Variants in DENND5B observed in about 807,000 individuals in gnomAD.
The protein encoded by DENND5B is DENN domain containing 5B.
Under a neutral mutation model 140.6 loss-of-function variants are expected in DENND5B, and 34 were observed. The ratio of observed to expected loss-of-function variants is 0.24; its 90% CI spans 0.18 to 0.32. The LOEUF (loss-of-function observed/expected upper bound fraction) is 0.32, where lower values mean the gene tolerates loss of function less well. Among genes scored for constraint, DENND5B ranks in the 10% least tolerant of loss-of-function variants. The pLI is 1.00. For synonymous variants in DENND5B, 551 were observed against 562.1 expected (o/e 0.98, Z 0.28); for missense variants, 1,142 against 1,560.2 (o/e 0.73, Z 4.52).
At chr12:31,495,379 C>CT (rs1293809907) in intron 2 of DENND5B, among the ~76,000 whole-genome samples, 10 of 63,546 alleles carry the variant, frequency 1.6e-4, no homozygotes, top group African/African-American at 2.9e-4. Context: ...TATCACATTT[C>CT]TTTTTTTTTC....
At position 31,470,889 on chromosome 12, in the gene DENND5B, T is replaced by A. The variant is rs150837442; in HGVS notation, c.904+8700A>T. On this transcript the variant is annotated intron_variant, in intron 3 of 20. Coordinates refer to ENST00000389082, the MANE Select transcript of DENND5B (RefSeq NM_144973.4). ...GAATTAGGAACCTTTAATTCCTGGGTGGCCACTCATGGGATGGAGCAGTAG... is the reference window on the plus strand; with the variant it reads ...GAATTAGGAACCTTTAATTCCTGGGAGGCCACTCATGGGATGGAGCAGTAG... Among the ~76,000 whole-genome samples the A allele has an allele frequency of 8.6e-3, 1,308 of 152,256 alleles. 11 individuals carry two copies. The highest frequency in any genetic ancestry group is 0.037 in the Middle Eastern group (11 of 294).
chr12:31,590,953 A>C lies in DENND5B; in HGVS notation c.-121T>G. ...GCCCTAGGGCGACACTGGCGCGCCC[A>C]TGGCCGCGCAGCCGCCTCTCGCCGC... is the stretch of plus-strand genomic sequence containing the variant. On this transcript the variant is annotated 5_prime_UTR_variant, in exon 1 of 21. It removes an upstream start codon present in the reference 5' UTR. Transcript: ENST00000389082. 1 of 1,056,604 alleles carries C rather than the reference A, an allele frequency of 9.5e-7. No individual in the cohort carries two copies. Among genetic ancestry groups the C allele is most frequent in the Non-Finnish European group, 1.2e-6 (1 of 865,116 alleles). 65.5% of individuals were successfully genotyped at this position (1,056,604 alleles called of 1,614,324 possible). A position where few individuals can be genotyped will look rare whatever the true frequency, so the allele number is the denominator to read the frequency against.
intron 1 of DENND5B, among the ~76,000 whole-genome samples, chr12:31,577,851 C>G (rs996557062): frequency 2.6e-5 from 4 of 151,818 alleles, no homozygotes; most frequent in Non-Finnish European, 1.5e-5. Flanking sequence ...GGGTCCAGTG[C>G]AGTGGCTCAC....
intron 1 of DENND5B, among the ~76,000 whole-genome samples, chr12:31,566,959 G>C (rs958846137): frequency 6.6e-6 from 1 of 152,196 alleles, no homozygotes; most frequent in African/African-American, 2.4e-5. Flanking sequence ...CTGGGAGGCG[G>C]AGGTTAGAAC....
chr12:31,493,260 T>C (rs934427775), intron 2 of DENND5B, among the ~76,000 whole-genome samples: 1 of 152,208 alleles, frequency 6.6e-6, no homozygotes, highest in Non-Finnish European at 1.5e-5. Context: ...TTTGAAAATA[T>C]AAGAATTCTC....
At chr12:31,484,509 A>G (rs549051176) in intron 2 of DENND5B, among the ~76,000 whole-genome samples, 2 of 152,216 alleles carry the variant, frequency 1.3e-5, no homozygotes, top group South Asian at 4.1e-4. Context: ...ATTTTAAAAA[A>G]TCGTCATCTT....
intron 6 of DENND5B, 125 bp from the exon 7 acceptor site, chr12:31,443,050 G>GTT: frequency 1.3e-6 from 1 of 792,930 alleles, no homozygotes; most frequent in Non-Finnish European, 1.9e-6. Flanking sequence ...GATATTGTGT[G>GTT]TGTGTGTGTG....
chr12:31,411,917 C>T (rs1025127069), intron 13 of DENND5B, among the ~76,000 whole-genome samples: 1 of 152,178 alleles, frequency 6.6e-6, no homozygotes. Flanking sequence ...CCTTAGCCTT[C>T]AAATTAGCAC....
At position 31,452,062 on chromosome 12, in the gene DENND5B, G is replaced by A; in HGVS notation, c.1507C>T (p.Arg503Ter). The change falls in exon 5 of 21, where the codon CGA becomes TGA. Residue 503 changes from arginine to a stop codon, truncating the protein, a stop_gained. Coordinates refer to ENST00000389082, the MANE Select transcript of DENND5B (RefSeq NM_144973.4). LOFTEE classifies it high-confidence loss of function. ...LRDYQLNVQL[R>*]EVFANRFTQM... The stretch of plus-strand genomic sequence containing the variant: ...GTAAAACGGTTAGCAAAGACCTCTC[G>A]GAGCTGTACATTGAGCTGGTAGTCC... 1.2e-6 allele frequency: 2 copies of A among 1,613,890 alleles called. No individual in the cohort carries two copies. Among genetic ancestry groups the A allele is most frequent in the Non-Finnish European group, 1.7e-6 (2 of 1,179,902 alleles).
chr12:31,460,465 GAAA>G, intron 3 of DENND5B, 84 bp from the exon 4 acceptor site: 1 of 1,384,322 alleles, frequency 7.2e-7, no homozygotes, highest in Non-Finnish European at 9.8e-7. Flanking sequence ...TGGATCTTAA[GAAA>G]AAAATTTCTG....
intron 1 of DENND5B, among the ~76,000 whole-genome samples, chr12:31,528,258 T>C (rs772453847): frequency 1.3e-5 from 2 of 152,226 alleles, no homozygotes; most frequent in Non-Finnish European, 2.9e-5. Context: ...TTCTGGTTGC[T>C]ATGCGCATTC....
chr12:31,578,706 G>C (rs998816395), intron 1 of DENND5B, among the ~76,000 whole-genome samples: 1 of 152,138 alleles, frequency 6.6e-6, no homozygotes, highest in Non-Finnish European at 1.5e-5. Context: ...CCTAGCTCAT[G>C]AACAGTAGGC....
rs538156192 is a variant in DENND5B at position 31,497,773 on chromosome 12, C to G, written c.128-1854G>C. Among the ~76,000 whole-genome samples the G allele has an allele frequency of 2.2e-3, 163 of 73,320 alleles. 1 individual carries two copies. Among genetic ancestry groups the G allele is most frequent in the African/African-American group, 7.7e-3 (146 of 18,876 alleles). 48.1% of individuals were successfully genotyped at this position (73,320 alleles called of 152,430 possible). A position where few individuals can be genotyped will look rare whatever the true frequency, so the allele number is the denominator to read the frequency against. ...AAGAAAGGAAAGTAAGGGGGAGCGG[C>G]ATGGGGAGGGTGGAGGGGGAGGGGC... On this transcript the variant is annotated intron_variant, in intron 1 of 20. Transcript: ENST00000389082.
At chr12:31,499,359 C>A (rs1308841944) in intron 1 of DENND5B, among the ~76,000 whole-genome samples, 1 of 152,222 alleles carries the variant, frequency 6.6e-6, no homozygotes, top group Non-Finnish European at 1.5e-5. Flanking sequence ...GCAATTAATC[C>A]TTTCCTCCTA....
At chr12:31,585,926 G>A (rs1168697146) in intron 1 of DENND5B, among the ~76,000 whole-genome samples, 1 of 152,206 alleles carries the variant, frequency 6.6e-6, no homozygotes, top group Non-Finnish European at 1.5e-5. Flanking sequence ...AACACTTTAA[G>A]AATATTCTGG....
intron 2 of DENND5B, among the ~76,000 whole-genome samples, chr12:31,484,156 G>A (rs573980483): frequency 6.6e-6 from 1 of 151,998 alleles, no homozygotes; most frequent in African/African-American, 2.4e-5. Flanking sequence ...ACCCGGCCTC[G>A]AGCAATTTTC....
At position 31,590,798 on chromosome 12, in the gene DENND5B, G is replaced by C. The variant is rs1476900136; in HGVS notation, c.35C>G (p.Ser12Trp). 2 of 1,323,352 alleles carry C rather than the reference G, an allele frequency of 1.5e-6. No individual in the cohort carries two copies. The highest frequency in any genetic ancestry group is 1.5e-5 in the African/African-American group (1 of 65,304). The allele number at this position is 1,323,352 out of a possible 1,614,324, so 82.0% of individuals were successfully genotyped here. A position where few individuals can be genotyped will look rare whatever the true frequency, so the allele number is the denominator to read the frequency against. Residue 12 changes from serine (S) to tryptophan (W), a missense_variant, in exon 1 of 21, where the codon TCG (serine) becomes TGG (tryptophan). Coordinates refer to ENST00000389082, the MANE Select transcript of DENND5B (RefSeq NM_144973.4). ...SGSCAAPGPG[S>W]GSSPAACRFA... is the part of the protein sequence containing the mutation. ...GCGGCAGGCGGCCGGGGAGGAGCCC[G>C]AGCCCGGGCCGGGCGCCGCGCAGCT...
chr12:31,487,643 A>C (rs151063189), intron 2 of DENND5B, among the ~76,000 whole-genome samples: 1 of 152,222 alleles, frequency 6.6e-6, no homozygotes, highest in South Asian at 2.1e-4. Context: ...CAGAGGTTGC[A>C]GTGAGCCAAG....
intron 1 of DENND5B, among the ~76,000 whole-genome samples, chr12:31,579,823 A>T (rs1360550017): frequency 6.6e-6 from 1 of 150,918 alleles, no homozygotes; most frequent in Non-Finnish European, 1.5e-5. Context: ...AAGAGAGAAG[A>T]GTAATGGGGA....
Sources: allele counts gnomAD v4.1 joint callset (sites outside exome capture counted in the v4.1 genomes callset), GRCh38; gene constraint gnomAD v4.1.1; transcripts MANE v1.5; gene names NCBI Gene and HGNC (gene_info 2026-07-23, HGNC 2026-07-21).